The following TMEM132D variants were observed in gnomAD, a reference collection of about 807,000 sequenced individuals.
TMEM132D encodes the protein transmembrane protein 132D, also known as mature OL transmembrane protein.
TMEM132D carries 21 observed loss-of-function variants against 62.3 expected under a neutral mutation model. The observed-to-expected ratio is 0.34, with a 90% CI of 0.24 to 0.49. The LOEUF is 0.49. Among genes scored for constraint, TMEM132D ranks in the 20% least tolerant of loss-of-function variants. TMEM132D has a pLI of 0.99. For synonymous variants in TMEM132D, 621 were observed against 575.6 expected, an observed-to-expected ratio of 1.08 and a Z score of -1.13; for missense variants, 1,346 against 1,402.8, an observed-to-expected ratio of 0.96 and a Z score of 0.65.
intron 1 of TMEM132D, among the ~76,000 whole-genome samples, chr12:129,781,195 A>G (rs185585722): frequency 9.2e-5 from 14 of 152,240 alleles, no homozygotes; most frequent in Admixed American, 2.0e-4. Context: ...AAACCGCCAC[A>G]TGTCTTCTTC....
At chr12:129,766,401 C>A (rs7296232) in intron 1 of TMEM132D, among the ~76,000 whole-genome samples, 144,112 of 152,252 alleles carry the variant, frequency 0.95, 68,486 homozygotes, top group Non-Finnish European at 1. Flanking sequence ...CATACCATAA[C>A]ATTTACTATC....
chr12:129,343,771 C>CA (rs201157436), intron 3 of TMEM132D, among the ~76,000 whole-genome samples: 5,414 of 127,060 alleles, frequency 0.043, 127 homozygotes, highest in African/African-American at 0.069. Flanking sequence ...CAAAAAAAAA[C>CA]AAAAAAAAAA....
intron 5 of TMEM132D, among the ~76,000 whole-genome samples, chr12:129,168,603 A>G (rs1877630459): frequency 1.3e-5 from 2 of 152,170 alleles, no homozygotes; most frequent in Non-Finnish European, 2.9e-5. Flanking sequence ...CAGAGCTGTG[A>G]TGGACCCTCA....
intron 4 of TMEM132D, among the ~76,000 whole-genome samples, chr12:129,336,710 G>A (rs1869286953): frequency 6.6e-6 from 1 of 152,174 alleles, no homozygotes; most frequent in Non-Finnish European, 1.5e-5. Flanking sequence ...GGAACGATGG[G>A]GTTTAGAAGA....
intron 3 of TMEM132D, among the ~76,000 whole-genome samples, chr12:129,419,607 C>T (rs997297185): frequency 6.6e-6 from 1 of 152,198 alleles, no homozygotes; most frequent in South Asian, 2.1e-4. Flanking sequence ...CTTAACTTCT[C>T]AGTTGCATAA....
At chr12:129,523,002 T>G (rs57368965) in intron 3 of TMEM132D, among the ~76,000 whole-genome samples, 1 of 151,848 alleles carries the variant, frequency 6.6e-6, no homozygotes, top group Non-Finnish European at 1.5e-5. Flanking sequence ...TATGTAGACA[T>G]AGATATAGAT....
chr12:129,337,319 C>T (rs868219150), intron 4 of TMEM132D, among the ~76,000 whole-genome samples: 3 of 152,072 alleles, frequency 2.0e-5, no homozygotes, highest in African/African-American at 4.8e-5. Context: ...ACACATCTAT[C>T]GAGTCGTCAA....
At chr12:129,762,165 G>A (rs1870400541) in intron 1 of TMEM132D, among the ~76,000 whole-genome samples, 1 of 152,134 alleles carries the variant, frequency 6.6e-6, no homozygotes, top group African/African-American at 2.4e-5. Context: ...TTGCAATTAT[G>A]TGTGTCCATT....
intron 5 of TMEM132D, among the ~76,000 whole-genome samples, chr12:129,105,213 A>G (rs934812114): frequency 2.2e-5 from 3 of 138,716 alleles, no homozygotes; most frequent in Non-Finnish European, 4.6e-5. Flanking sequence ...CTATGCAGCC[A>G]TAAAAAAGGA....
chr12:129,538,674 T>C (rs906207595), intron 2 of TMEM132D, among the ~76,000 whole-genome samples: 3 of 152,250 alleles, frequency 2.0e-5, no homozygotes, highest in African/African-American at 7.2e-5. Flanking sequence ...ATACAAGTTA[T>C]GGCAATGCGG....
intron 4 of TMEM132D, among the ~76,000 whole-genome samples, chr12:129,221,605 C>A (rs1335169278): frequency 1.3e-5 from 2 of 152,130 alleles, no homozygotes; most frequent in African/African-American, 4.8e-5. Flanking sequence ...TTGGGCAGGT[C>A]CAGCCTAAGT....
chr12:129,253,397 A>G (rs2135591567), intron 4 of TMEM132D, among the ~76,000 whole-genome samples: 1 of 152,256 alleles, frequency 6.6e-6, no homozygotes, highest in African/African-American at 2.4e-5. Flanking sequence ...CCTGAGCACT[A>G]TGAGCTCATT....
chr12:129,451,689 A>T (rs1251191715), intron 3 of TMEM132D, among the ~76,000 whole-genome samples: 2 of 152,218 alleles, frequency 1.3e-5, no homozygotes, highest in African/African-American at 4.8e-5. Context: ...TTCTCATGTG[A>T]CAAGAAATCC....
intron 4 of TMEM132D, among the ~76,000 whole-genome samples, chr12:129,279,622 A>G (rs1295524828): frequency 6.6e-6 from 1 of 152,142 alleles, no homozygotes; most frequent in Non-Finnish European, 1.5e-5. Flanking sequence ...GTAATGAATT[A>G]GAGTGAATCC....
chr12:129,483,950 A>T (rs1874504995), intron 3 of TMEM132D, among the ~76,000 whole-genome samples: 1 of 152,154 alleles, frequency 6.6e-6, no homozygotes, highest in South Asian at 2.1e-4. Context: ...ACTTGCTCTG[A>T]ATTGATCTTT....
At chr12:129,469,650 C>A (rs1874035193) in intron 3 of TMEM132D, among the ~76,000 whole-genome samples, 1 of 152,174 alleles carries the variant, frequency 6.6e-6, no homozygotes, top group South Asian at 2.1e-4. Context: ...GAGTGGGAAC[C>A]AGTAACTGGT....
chr12:129,603,634 A>G (rs1024254268), intron 2 of TMEM132D, among the ~76,000 whole-genome samples: 3 of 152,232 alleles, frequency 2.0e-5, no homozygotes, highest in African/African-American at 7.2e-5. Context: ...ATCTCACACC[A>G]GTTAGAATGG....
At chr12:129,292,446 C>T (rs66579198) in intron 4 of TMEM132D, among the ~76,000 whole-genome samples, 12,098 of 152,172 alleles carry the variant, frequency 0.08, 665 homozygotes, top group East Asian at 0.27. Context: ...CACCCATGAG[C>T]GCAAATGAGA....
intron 4 of TMEM132D, among the ~76,000 whole-genome samples, chr12:129,237,269 C>T (rs1184274839): frequency 1.3e-5 from 2 of 151,964 alleles, no homozygotes; most frequent in East Asian, 1.9e-4. Context: ...TTGTCATGCC[C>T]TATCTTCCCT....
Sources: allele counts gnomAD v4.1 joint callset (sites outside exome capture counted in the v4.1 genomes callset), GRCh38; gene constraint gnomAD v4.1.1; transcripts MANE v1.5; gene names NCBI Gene and HGNC (gene_info 2026-07-23, HGNC 2026-07-21).